CNTNAP3B: variants seen among roughly 807,000 people sequenced by gnomAD.
The protein encoded by CNTNAP3B is contactin-associated protein-like 3B.
Under a neutral mutation model 108.9 loss-of-function variants are expected in CNTNAP3B, and 25 were observed. That is an observed-to-expected ratio of 0.23 (90% confidence interval 0.17 to 0.32). CNTNAP3B has a LOEUF of 0.32. CNTNAP3B is among the 10% of genes least tolerant of loss of function. CNTNAP3B has a pLI of 1.00. For synonymous variants in CNTNAP3B, 103 were observed against 473.4 expected (o/e 0.22, Z 10.16); for missense variants, 252 against 1,210.4 (o/e 0.21, Z 11.75).
At chr9:41,947,609 T>C (rs1413539220) in intron 13 of CNTNAP3B, among the ~76,000 whole-genome samples, 2 of 152,194 alleles carry the variant, frequency 1.3e-5, no homozygotes, top group Admixed American at 1.3e-4. Flanking sequence ...AAGCCAATAA[T>C]GTAAGTTCTT....
intron 3 of CNTNAP3B, among the ~76,000 whole-genome samples, chr9:42,054,608 C>T (rs766736685): frequency 1.5e-4 from 23 of 151,660 alleles, no homozygotes; most frequent in Middle Eastern, 3.2e-3. Flanking sequence ...CACCACATCA[C>T]GTGATGGTCA....
intron 15 of CNTNAP3B, among the ~76,000 whole-genome samples, chr9:41,925,593 A>C (rs1223145045): frequency 2.1e-5 from 3 of 139,618 alleles, no homozygotes; most frequent in Non-Finnish European, 4.7e-5. Flanking sequence ...ACTCCATCTC[A>C]AAAACAAACA....
At chr9:42,070,727 C>T (rs1164485136) in intron 3 of CNTNAP3B, among the ~76,000 whole-genome samples, 307 of 152,216 alleles carry the variant, frequency 2.0e-3, no homozygotes, top group Non-Finnish European at 3.7e-3. Flanking sequence ...CAGTGCTGAT[C>T]GGCAGATCTC....
chr9:41,931,044 A>G (rs1366822277), intron 14 of CNTNAP3B, among the ~76,000 whole-genome samples: 38 of 152,386 alleles, frequency 2.5e-4, no homozygotes, highest in Non-Finnish European at 4.9e-4. Flanking sequence ...GAAACTCCAC[A>G]GTATCTAGTA....
intron 13 of CNTNAP3B, among the ~76,000 whole-genome samples, chr9:41,939,037 G>T (rs1438838958): frequency 6.6e-6 from 1 of 152,276 alleles, no homozygotes; most frequent in African/African-American, 2.4e-5. Flanking sequence ...TCTGACGAGT[G>T]CGCCTCCTTC....
chr9:42,120,484 A>G lies in CNTNAP3B; in HGVS notation c.85+8526T>C, dbSNP rs1353291323. On this transcript the variant is annotated intron_variant, in intron 1 of 23. Coordinates refer to ENST00000377561, the MANE Select transcript of CNTNAP3B (RefSeq NM_001201380.3). ...CATCCCATTACTGGGTATATACCCA[A>G]AGGATTATAAATCATGCTGCTATAA... Among the ~76,000 whole-genome samples, 3 of 138,098 alleles carry G rather than the reference A, an allele frequency of 2.2e-5. No individual in the cohort carries two copies. The East Asian group carries it at 6.6e-4, about 31-fold the overall frequency. The allele number at this position is 138,098 out of a possible 152,430, so 90.6% of individuals were successfully genotyped here. A position where few individuals can be genotyped will look rare whatever the true frequency, so the allele number is the denominator to read the frequency against.
At chr9:41,937,338 G>T (rs1366349973) in intron 14 of CNTNAP3B, among the ~76,000 whole-genome samples, 2 of 151,900 alleles carry the variant, frequency 1.3e-5, no homozygotes, top group African/African-American at 4.8e-5. Context: ...CATTGGCCAG[G>T]CTGGTCTCAA....
chr9:42,089,074 C>T (rs1326175088), intron 2 of CNTNAP3B, among the ~76,000 whole-genome samples: 2 of 95,584 alleles, frequency 2.1e-5, no homozygotes, highest in East Asian at 5.6e-4. Context: ...AAAAATCAGC[C>T]GGGCCTGGTG....
intron 12 of CNTNAP3B, chr9:41,960,149 G>A (rs75022990): frequency 0.094 from 13,538 of 144,330 alleles, no homozygotes; most frequent in African/African-American, 0.15. Context: ...AGGTGTGGGC[G>A]CCACCATGCC....
intron 13 of CNTNAP3B, among the ~76,000 whole-genome samples, chr9:41,939,035 G>T (rs1824247908): frequency 6.6e-6 from 1 of 152,270 alleles, no homozygotes; most frequent in Admixed American, 6.5e-5. Flanking sequence ...GCTCTGACGA[G>T]TGCGCCTCCT....
At chr9:42,054,683 C>A (rs1827024669) in intron 3 of CNTNAP3B, among the ~76,000 whole-genome samples, 1 of 151,846 alleles carries the variant, frequency 6.6e-6, no homozygotes, top group South Asian at 2.1e-4. Flanking sequence ...GAAAAAAAGA[C>A]TCATTAATTT....
At chr9:41,964,382 A>T (rs1344366311) in intron 11 of CNTNAP3B, among the ~76,000 whole-genome samples, 156 bp downstream of exon 11, 1 of 152,266 alleles carries the variant, frequency 6.6e-6, no homozygotes. Context: ...CCTTGTATTA[A>T]ATAAGGTGGA....
intron 14 of CNTNAP3B, among the ~76,000 whole-genome samples, chr9:41,932,623 G>A (rs1381988896): frequency 4.6e-5 from 7 of 152,072 alleles, no homozygotes; most frequent in South Asian, 2.1e-4. Flanking sequence ...GGATTCAAGC[G>A]ATTCTCCTGC....
chr9:42,062,413 T>C (rs1182976212), intron 3 of CNTNAP3B, among the ~76,000 whole-genome samples: 1 of 63,380 alleles, frequency 1.6e-5, no homozygotes, highest in East Asian at 7.7e-4. Flanking sequence ...TTATCTGGTA[T>C]AAGTACAGCT....
intron 2 of CNTNAP3B, among the ~76,000 whole-genome samples, chr9:42,086,804 A>G (rs371289582): frequency 0.013 from 1,473 of 109,136 alleles, 41 homozygotes; most frequent in South Asian, 0.054. Flanking sequence ...TTGCTAGGTT[A>G]TATGGTAAGT....
At chr9:41,919,817 G>T (rs1434175877) in intron 18 of CNTNAP3B, among the ~76,000 whole-genome samples, 1 of 152,306 alleles carries the variant, frequency 6.6e-6, no homozygotes, top group Non-Finnish European at 1.5e-5. Context: ...ATTTCGAGAG[G>T]ATTAGCATTG....
At chr9:41,930,660 C>T (rs904500975) in intron 14 of CNTNAP3B, among the ~76,000 whole-genome samples, 3 of 152,300 alleles carry the variant, frequency 2.0e-5, no homozygotes, top group African/African-American at 7.2e-5. Context: ...TCTCTGCCTT[C>T]TGAAAGCACA....
intron 10 of CNTNAP3B, among the ~76,000 whole-genome samples, chr9:41,969,127 G>A (rs1296498922): frequency 6.6e-6 from 1 of 152,198 alleles, no homozygotes; most frequent in African/African-American, 2.4e-5. Context: ...TAAATCTGTA[G>A]CATTTATTTA....
chr9:42,118,081 C>G lies in CNTNAP3B; in HGVS notation c.85+10929G>C, dbSNP rs1225265130. On this transcript the variant is annotated intron_variant, in intron 1 of 23. Coordinates refer to ENST00000377561, the MANE Select transcript of CNTNAP3B (RefSeq NM_001201380.3). ...TCCAGGACCAGATGGATTCACAGCC[C>G]AATTCTACCAGAGGTACAAGGAGGA... Among the ~76,000 whole-genome samples, 9 of 133,034 alleles carry G rather than the reference C, an allele frequency of 6.8e-5. No homozygotes were observed. The East Asian group carries it at 7.1e-4, about 11-fold the overall frequency. 87.3% of individuals were successfully genotyped at this position (133,034 alleles called of 152,430 possible).
Sources: allele counts gnomAD v4.1 joint callset (sites outside exome capture counted in the v4.1 genomes callset), GRCh38; gene constraint gnomAD v4.1.1; transcripts MANE v1.5; gene names NCBI Gene and HGNC (gene_info 2026-07-23, HGNC 2026-07-21).